ARID4B: variants seen among roughly 807,000 people sequenced by gnomAD.
The protein encoded by ARID4B is AT-rich interactive domain-containing protein 4B.
In ARID4B, 26 loss-of-function variants were observed where a neutral mutation model predicts 147.5. The ratio of observed to expected loss-of-function variants is 0.18; its 90% confidence interval spans 0.13 to 0.24. ARID4B has a LOEUF of 0.24. Among genes scored for constraint, ARID4B ranks in the 10% least tolerant of loss-of-function variants. ARID4B has a pLI of 1.00. For synonymous variants in ARID4B, 512 were observed against 507.9 expected (o/e 1.01, Z -0.11); for missense variants, 1,179 against 1,511.5 (o/e 0.78, Z 3.65).
At chr1:235,208,819 C>G (rs1184182831) in intron 17 of ARID4B, among the ~76,000 whole-genome samples, 1 of 151,944 alleles carries the variant, frequency 6.6e-6, no homozygotes, top group Non-Finnish European at 1.5e-5. Context: ...GCCCGGCCGG[C>G]CAGCAATAAT....
chr1:235,316,615 G>A (rs957196838), intron 2 of ARID4B, among the ~76,000 whole-genome samples: 2 of 150,686 alleles, frequency 1.3e-5, no homozygotes, highest in African/African-American at 2.4e-5. Context: ...TCTGGAGTTC[G>A]AGAGACCAGC....
intron 13 of ARID4B, among the ~76,000 whole-genome samples, chr1:235,222,731 G>A (rs1466245479): frequency 2.1e-5 from 3 of 143,970 alleles, no homozygotes; most frequent in African/African-American, 2.6e-5. Context: ...AGGCTGGAAT[G>A]CAGTCCAGCG....
intron 17 of ARID4B, among the ~76,000 whole-genome samples, chr1:235,199,162 A>C (rs539232613): frequency 7.9e-5 from 12 of 152,314 alleles, no homozygotes; most frequent in Non-Finnish European, 1.8e-4. Flanking sequence ...TTCCCTGAAA[A>C]CTTACTATAG....
chr1:235,308,580 T>C (rs1673755376), intron 2 of ARID4B, among the ~76,000 whole-genome samples: 2 of 152,068 alleles, frequency 1.3e-5, no homozygotes, highest in Non-Finnish European at 2.9e-5. Context: ...CCCTGCCTGA[T>C]TCTCCTGCCT....
At position 235,172,692 on chromosome 1, in the gene ARID4B, T is replaced by C; in HGVS notation, c.3737A>G (p.His1246Arg). ...LQEKLQEIRK[H>R]YLSLKSEVAS... ...TACTTCAGATTTTAATGACAGATAA[T>C]GTTTTCTGATTTCTTGAAGTTTTTC... is the stretch of plus-strand genomic sequence containing the variant. The change falls in exon 23 of 24, where the codon CAT becomes CGT. Residue 1246 changes from histidine (H) to arginine (R), a missense_variant. By Grantham distance (29) the His-to-Arg change is conservative. This residue lies in a region of ARID4B where 357 missense variants were observed against 427.3 expected (regional missense o/e 0.84). Coordinates refer to ENST00000264183, the MANE Select transcript of ARID4B (RefSeq NM_016374.6). 2 of 1,607,972 alleles carry C rather than the reference T, an allele frequency of 1.2e-6. No homozygotes were observed. Among genetic ancestry groups the C allele is most frequent in the East Asian group, 2.2e-5 (1 of 44,534 alleles).
At chr1:235,238,197 T>C (rs888412516) in intron 8 of ARID4B, among the ~76,000 whole-genome samples, 3 of 147,574 alleles carry the variant, frequency 2.0e-5, no homozygotes, top group Non-Finnish European at 4.5e-5. Context: ...TTATTAATCA[T>C]GAGAACAAAA....
intron 3 of ARID4B, among the ~76,000 whole-genome samples, 191 bp downstream of exon 3, chr1:235,260,451 A>C (rs1397191894): frequency 6.6e-6 from 1 of 152,244 alleles, no homozygotes; most frequent in African/African-American, 2.4e-5. Context: ...TCAAAATACC[A>C]ACTGTGATAA....
At chr1:235,291,452 A>T (rs1672333789) in intron 2 of ARID4B, among the ~76,000 whole-genome samples, 2 of 151,994 alleles carry the variant, frequency 1.3e-5, no homozygotes, top group African/African-American at 4.8e-5. Flanking sequence ...ATTTTTAATT[A>T]AAAATGAATC....
At chr1:235,284,370 A>G (rs2103188602) in intron 2 of ARID4B, among the ~76,000 whole-genome samples, 1 of 152,336 alleles carries the variant, frequency 6.6e-6, no homozygotes, top group African/African-American at 2.4e-5. Flanking sequence ...TGGGGGAAAA[A>G]AAATTCTTCA....
At chr1:235,274,941 C>A (rs993451291) in intron 2 of ARID4B, among the ~76,000 whole-genome samples, 1 of 152,064 alleles carries the variant, frequency 6.6e-6, no homozygotes, top group Non-Finnish European at 1.5e-5. Flanking sequence ...CAAATGCATA[C>A]TAAAAACAGG....
In ARID4B at chr1:235,234,457, T is replaced by C; in HGVS notation, c.621A>G (p.Val207=). 6.2e-7 allele frequency: 1 copy of C among 1,607,684 alleles called. No individual in the cohort carries two copies. Among genetic ancestry groups the C allele is most frequent in the Non-Finnish European group, 8.5e-7 (1 of 1,175,528 alleles). The change falls in exon 9 of 24, where the codon GTA becomes GTG. Residue 207 remains valine, a synonymous_variant. Coordinates refer to ENST00000264183, the MANE Select transcript of ARID4B (RefSeq NM_016374.6). ...VCPDCSDEIA[V]KKDNILVRSF... is the part of the protein sequence containing the mutation. ...ATCGAACAAGAATATTGTCCTTTTT[T>C]ACAGCAATCTCATCACTACAATCAG...
At chr1:235,179,996 G>A (rs1160858540) in intron 20 of ARID4B, 1 of 151,350 alleles carries the variant, frequency 6.6e-6, no homozygotes, top group Non-Finnish European at 1.5e-5. Context: ...CTTGAACCCA[G>A]GAGACGGAGG....
At chr1:235,206,722 G>A (rs546991671) in intron 17 of ARID4B, among the ~76,000 whole-genome samples, 1 of 152,324 alleles carries the variant, frequency 6.6e-6, no homozygotes, top group Non-Finnish European at 1.5e-5. Flanking sequence ...AGAAAAGCAG[G>A]AGGAATTTAT....
chr1:235,228,429 G>A lies in ARID4B; in HGVS notation c.897+802C>T, dbSNP rs1297444780. 3 of 150,970 alleles carry A rather than the reference G, an allele frequency of 2.0e-5. No individual in the cohort carries two copies. The East Asian group carries it at 5.8e-4, about 29-fold the overall frequency. The allele number at this position is 150,970 out of a possible 1,614,324, so 9.4% of individuals were successfully genotyped here. A position where few individuals can be genotyped will look rare whatever the true frequency, so the allele number is the denominator to read the frequency against. On this transcript the variant is annotated intron_variant, in intron 11 of 23. Coordinates refer to ENST00000264183, the MANE Select transcript of ARID4B (RefSeq NM_016374.6). ...TCCCAACACAGCCTCCTCAGTAGCTGGGGCTACTGAGTGCACTGGGGCTGG... is the reference window on the plus strand; with the variant it reads ...TCCCAACACAGCCTCCTCAGTAGCTAGGGCTACTGAGTGCACTGGGGCTGG...
At chr1:235,176,995 A>G (rs889088700) in intron 21 of ARID4B, 32 of 465,686 alleles carry the variant, frequency 6.9e-5, no homozygotes, top group Middle Eastern at 3.3e-4. Context: ...TACAGTATAT[A>G]TATTTTCTGT....
At chr1:235,179,109 G>A (rs1664095503) in intron 20 of ARID4B, among the ~76,000 whole-genome samples, 1 of 152,060 alleles carries the variant, frequency 6.6e-6, no homozygotes, top group South Asian at 2.1e-4. Context: ...CTTCAATGTA[G>A]AGTAAATTAA....
chr1:235,298,560 TTA>T (rs922485749), intron 2 of ARID4B, among the ~76,000 whole-genome samples: 31 of 148,546 alleles, frequency 2.1e-4, no homozygotes, highest in African/African-American at 6.1e-4. Flanking sequence ...CAATGTATAT[TTA>T]TATATATCCA....
chr1:235,198,620 AAAG>A (rs1665663809), intron 17 of ARID4B, among the ~76,000 whole-genome samples: 1 of 152,224 alleles, frequency 6.6e-6, no homozygotes, highest in Admixed American at 6.5e-5. Context: ...CTCAATTATA[AAAG>A]AAGGATGGTA....
intron 22 of ARID4B, among the ~76,000 whole-genome samples, chr1:235,174,249 C>T (rs909420296): frequency 6.6e-6 from 1 of 151,820 alleles, no homozygotes; most frequent in East Asian, 2.0e-4. Context: ...CCATGCTGGT[C>T]AGGCTGGTCT....
Sources: allele counts gnomAD v4.1 joint callset (sites outside exome capture counted in the v4.1 genomes callset), GRCh38; gene constraint gnomAD v4.1.1; regional missense constraint gnomAD v4.1.1; transcripts MANE v1.5; gene names NCBI Gene and HGNC (gene_info 2026-07-23, HGNC 2026-07-21).